The following CYP2J2 variants were observed in gnomAD, a reference collection of about 807,000 sequenced individuals.
The protein encoded by CYP2J2 is cytochrome P450 family 2 subfamily J member 2.
A neutral mutation model predicts 48.8 loss-of-function variants in CYP2J2; 41 were observed. The ratio of observed to expected loss-of-function variants is 0.84; its 90% CI spans 0.66 to 1.09. CYP2J2 has a LOEUF of 1.09. Ranked by LOEUF, CYP2J2 falls within the 50% of genes least tolerant of loss-of-function variation. The pLI is 0.00. For synonymous variants in CYP2J2, 221 were observed against 227.1 expected, an observed-to-expected ratio of 0.97 and a Z score of 0.24; for missense variants, 644 against 617.3, an observed-to-expected ratio of 1.04 and a Z score of -0.46.
chr1:59,933,687 A>G, the CYP2J2 span, among the ~76,000 whole-genome samples: 1 of 152,172 alleles, frequency 6.6e-6, no homozygotes, highest in Non-Finnish European at 1.5e-5. Flanking sequence ...AGGAGACAAA[A>G]GATTTGTGCA....
At chr1:59,959,471 G>C in the CYP2J2 span, among the ~76,000 whole-genome samples, 3 of 151,964 alleles carry the variant, frequency 2.0e-5, no homozygotes, top group Admixed American at 6.6e-5. Flanking sequence ...CATGCTTATA[G>C]CAGCACAATT....
At chr1:59,897,869 A>T (rs546560064) in intron 8 of CYP2J2, among the ~76,000 whole-genome samples, 2 of 152,200 alleles carry the variant, frequency 1.3e-5, no homozygotes. Context: ...ACTCTTTACC[A>T]AGAGTAAAGG....
intron 4 of CYP2J2, 117 bp from the exon 5 acceptor site, chr1:59,910,077 G>GT (rs1325433205): frequency 1.8e-5 from 14 of 767,948 alleles, no homozygotes; most frequent in Admixed American, 3.4e-5. Context: ...TTAAACCTTG[G>GT]TTATCCTTGA....
chr1:59,912,472 A>T (rs1644426572), intron 2 of CYP2J2, 161 bp from the exon 3 acceptor site: 1 of 681,038 alleles, frequency 1.5e-6, no homozygotes, highest in South Asian at 2.1e-5. Context: ...ATAATGGCTA[A>T]TATTTACTGA....
the CYP2J2 span, among the ~76,000 whole-genome samples, chr1:59,966,373 TAA>T: frequency 6.6e-6 from 1 of 152,176 alleles, no homozygotes; most frequent in African/African-American, 2.4e-5. Flanking sequence ...ATAAAATATT[TAA>T]AGTTTTTTAT....
Position 59,901,032 on chromosome 1 carries a change from G to T in CYP2J2, c.1263C>A (p.Phe421Leu), listed in dbSNP as rs1383104350. Residue 421 changes from phenylalanine to leucine, a missense_variant, in exon 8 of 9, where the codon TTC becomes TTA. By Grantham distance (22) the Phe-to-Leu change is conservative. Transcript: ENST00000371204. ...DPTEWATPDTFNPDHFLENGQ... is the reference protein window; with the variant it reads ...DPTEWATPDTLNPDHFLENGQ... ...CATTCTCCAGAAAATGGTCCGGATT[G>T]AATGTGTCAGGGGTGGCCCACTCTG... 1 of 1,614,168 alleles carries T rather than the reference G, an allele frequency of 6.2e-7. No homozygotes were observed. Among genetic ancestry groups the T allele is most frequent in the Admixed American group, 1.7e-5 (1 of 60,028 alleles).
Position 59,900,995 on chromosome 1 carries a change from T to C in CYP2J2, c.1300A>G (p.Lys434Glu). The change falls in exon 8 of 9, where the codon AAA (lysine) becomes GAA (glutamate). Residue 434 changes from lysine (K) to glutamate (E), a missense_variant. Transcript: ENST00000371204. ...GAGAAAGGCATAAAGGCTTCCCTTT[T>C]CTTAAACTGTCCATTCTCCAGAAAA... is the stretch of plus-strand genomic sequence containing the variant. Reference protein sequence around the residue: ...DHFLENGQFKKREAFMPFSIG... With the variant: ...DHFLENGQFKEREAFMPFSIG... 3 of 1,614,200 alleles carry C rather than the reference T, an allele frequency of 1.9e-6. No homozygotes were observed. The highest frequency in any genetic ancestry group is 1.7e-6 in the Non-Finnish European group (2 of 1,180,020).
chr1:59,933,410 A>G, the CYP2J2 span, among the ~76,000 whole-genome samples: 1 of 152,378 alleles, frequency 6.6e-6, no homozygotes, highest in African/African-American at 2.4e-5. Context: ...TTAAGTGTCA[A>G]TAATCTAAAT....
At chr1:59,899,374 A>G (rs1644296622) in intron 8 of CYP2J2, among the ~76,000 whole-genome samples, 2 of 152,244 alleles carry the variant, frequency 1.3e-5, no homozygotes, top group Non-Finnish European at 2.9e-5. Flanking sequence ...AGACAAAGAC[A>G]GCATCGATCA....
At chr1:59,921,894 T>A (rs1483014096) in intron 1 of CYP2J2, among the ~76,000 whole-genome samples, 1 of 152,180 alleles carries the variant, frequency 6.6e-6, no homozygotes, top group Non-Finnish European at 1.5e-5. Context: ...TATCTCTGTA[T>A]ACTGTACTTC....
intron 1 of CYP2J2, among the ~76,000 whole-genome samples, chr1:59,925,699 A>G (rs1278344511): frequency 1.3e-5 from 2 of 152,232 alleles, no homozygotes; most frequent in East Asian, 3.8e-4. Flanking sequence ...TGAGGGCAAT[A>G]TACAGCCATG....
At chr1:59,926,920 A>C (rs1644571778), upstream of CYP2J2, 1 of 625,852 alleles carries the variant, frequency 1.6e-6, no homozygotes, top group African/African-American at 1.8e-5. Context: ...CGGTCTCAGA[A>C]AAGGCCAGGC....
chr1:59,959,621 GAT>G, the CYP2J2 span, among the ~76,000 whole-genome samples: 7,813 of 151,618 alleles, frequency 0.052, 274 homozygotes, highest in Admixed American at 0.1. Flanking sequence ...GTATATATGT[GAT>G]ATATATGTGT....
the CYP2J2 span, among the ~76,000 whole-genome samples, chr1:59,964,733 C>T: frequency 6.6e-6 from 1 of 152,178 alleles, no homozygotes; most frequent in South Asian, 2.1e-4. Context: ...ATTTCAGTTA[C>T]ATTACAGTTT....
Position 59,921,252 on chromosome 1 carries a change from T to C in CYP2J2, c.211-5152A>G, listed in dbSNP as rs114184760. Among the ~76,000 whole-genome samples, 420 of 152,322 alleles carry C rather than the reference T, an allele frequency of 2.8e-3. 1 individual carries two copies. The highest frequency in any genetic ancestry group is 9.1e-3 in the African/African-American group (377 of 41,584). On this transcript the variant is annotated intron_variant, in intron 1 of 8. Coordinates refer to ENST00000371204, the MANE Select transcript of CYP2J2 (RefSeq NM_000775.4). ...ACATAAAGTAGATAATGGGTATATGTAGGGAGACCCCCTGAAACTATTGTT... is the reference window on the plus strand; with the variant it reads ...ACATAAAGTAGATAATGGGTATATGCAGGGAGACCCCCTGAAACTATTGTT...
intron 1 of CYP2J2, among the ~76,000 whole-genome samples, chr1:59,923,362 T>C (rs1644534648): frequency 6.6e-6 from 1 of 152,226 alleles, no homozygotes; most frequent in Non-Finnish European, 1.5e-5. Flanking sequence ...AAGATCTGTA[T>C]AGTATCCAGG....
rs1182259776 is a variant in CYP2J2 at position 59,893,717 on chromosome 1, C to G, written c.1443G>C (p.Leu481=). ...FRPPNNEKLS[L]KFRMGITISP... is the part of the protein sequence containing the mutation. ...AAATGGTGATACCCATTCTAAACTT[C>G]AGGCTCAGCTTCTCATTGTTTGGGG... is the stretch of plus-strand genomic sequence containing the variant. The change falls in exon 9 of 9, where the codon CTG becomes CTC. Residue 481 remains leucine (L), a synonymous_variant. Coordinates refer to ENST00000371204, the MANE Select transcript of CYP2J2 (RefSeq NM_000775.4). 3 of 1,613,414 alleles carry G rather than the reference C, an allele frequency of 1.9e-6. No individual in the cohort carries two copies. The highest frequency in any genetic ancestry group is 1.7e-6 in the Non-Finnish European group (2 of 1,179,696).
At chr1:59,902,015 C>A (rs1644324197) in intron 7 of CYP2J2, among the ~76,000 whole-genome samples, 1 of 152,202 alleles carries the variant, frequency 6.6e-6, no homozygotes, top group Admixed American at 6.5e-5. Context: ...TACTCTCCCC[C>A]TCTGCCTGCA....
chr1:59,935,021 T>TATATATATATATATAC, the CYP2J2 span, among the ~76,000 whole-genome samples: 1 of 48,146 alleles, frequency 2.1e-5, no homozygotes, highest in Non-Finnish European at 4.4e-5. Context: ...TATACATATA[T>TATATATATATATATAC]ATATATATAT....
Sources: allele counts gnomAD v4.1 joint callset (sites outside exome capture counted in the v4.1 genomes callset), GRCh38; gene constraint gnomAD v4.1.1; transcripts MANE v1.5; gene names NCBI Gene and HGNC (gene_info 2026-07-23, HGNC 2026-07-21).